SND1: variants seen among roughly 807,000 people sequenced by gnomAD.
The protein encoded by SND1 is staphylococcal nuclease and tudor domain containing 1.
In SND1, 38 loss-of-function variants were observed where a neutral mutation model predicts 121.7. The ratio of observed to expected loss-of-function variants is 0.31; its 90% CI spans 0.24 to 0.41. The LOEUF is 0.41. Ranked by LOEUF, SND1 falls within the 10% of genes least tolerant of loss-of-function variation. The pLI, the probability that SND1 is intolerant of heterozygous loss-of-function variation, is 1.00. For synonymous variants in SND1, 401 were observed against 447.4 expected (o/e 0.90, Z 1.31); for missense variants, 868 against 1,184.6 (o/e 0.73, Z 3.92).
In SND1 at chr7:128,029,678, G is replaced by T. The variant is rs746875826; in HGVS notation, c.1779+38622G>T. ...GACAGCGGCCACAGCAGGTGGAATT[G>T]GTGGGTATATACTCTCGAAGCCACC... On this transcript the variant is annotated intron_variant, in intron 16 of 23. Transcript: ENST00000354725. This position sits in a 1 kb window ranked among gnomAD's most constrained non-coding sequence, Gnocchi z 4.2. 1.2e-6 allele frequency: 2 copies of T among 1,613,950 alleles called. No homozygotes were observed. The highest frequency in any genetic ancestry group is 3.3e-5 in the Admixed American group (2 of 60,012).
chr7:127,706,547 T>C (rs912836084), intron 8 of SND1, among the ~76,000 whole-genome samples: 6 of 152,114 alleles, frequency 3.9e-5, no homozygotes, highest in Admixed American at 6.5e-5. Context: ...TGTGAGCCAC[T>C]GTGCCTGGCC....
chr7:127,683,795 T>C (rs1428951134), intron 1 of SND1, among the ~76,000 whole-genome samples: 2 of 152,248 alleles, frequency 1.3e-5, no homozygotes, highest in African/African-American at 2.4e-5. Context: ...CTTGAATTCA[T>C]ATATTCAATG....
chr7:127,897,446 A>G (rs1178175432), intron 13 of SND1, among the ~76,000 whole-genome samples: 3 of 152,154 alleles, frequency 2.0e-5, no homozygotes, highest in Admixed American at 2.0e-4. Context: ...CACAGGATCT[A>G]GTGGTGATTT....
intron 16 of SND1, among the ~76,000 whole-genome samples, chr7:128,056,057 TAAAAC>T (rs1168588874): frequency 6.6e-6 from 1 of 152,224 alleles, no homozygotes; most frequent in Non-Finnish European, 1.5e-5. Context: ...AAATGGGACT[TAAAAC>T]AACCACTTCA....
At chr7:127,853,267 C>G (rs1799207550) in intron 12 of SND1, among the ~76,000 whole-genome samples, 1 of 152,118 alleles carries the variant, frequency 6.6e-6, no homozygotes, top group East Asian at 1.9e-4. Context: ...AATGCTGTGG[C>G]CACACGTCCA....
rs1333382436 is a variant in SND1 at position 127,929,239 on chromosome 7, T to C, written c.1579T>C (p.Ser527Pro). The C allele has an allele frequency of 2.5e-6, 4 of 1,614,082 alleles. No homozygotes were observed. Among genetic ancestry groups the C allele is most frequent in the Admixed American group, 1.7e-5 (1 of 60,002 alleles). ...GCCTTTTCTTCAGCGGGCAGGTCGT[T>C]CTGAAGCTGTGGTGGAATACGTCTT... ...FLPFLQRAGRSEAVVEYVFSG... is the reference protein window; with the variant it reads ...FLPFLQRAGRPEAVVEYVFSG... The change falls in exon 15 of 24, where the codon TCT becomes CCT. Residue 527 changes from serine (S) to proline (P), a missense_variant. Ser to Pro is a moderately conservative substitution (Grantham distance 74). Around this residue, in one of 2 missense-constraint regions of SND1, gnomAD observed 743 missense variants for 1,071.3 expected, o/e 0.69. Transcript: ENST00000354725.
At chr7:128,079,342 G>A (rs1265578496) in intron 17 of SND1, among the ~76,000 whole-genome samples, 1 of 152,262 alleles carries the variant, frequency 6.6e-6, no homozygotes, top group East Asian at 1.9e-4. Context: ...GTCCTGACTA[G>A]AGGCAAAGCT....
intron 21 of SND1, among the ~76,000 whole-genome samples, chr7:128,089,024 A>AC (rs1420605127): frequency 2.6e-5 from 4 of 152,194 alleles, no homozygotes; most frequent in Non-Finnish European, 4.4e-5. Context: ...TTTCTGCCTC[A>AC]CTAGGGTTCT....
chr7:128,078,378 C>T (rs529820427), intron 17 of SND1, among the ~76,000 whole-genome samples: 89 of 152,382 alleles, frequency 5.8e-4, no homozygotes, highest in Non-Finnish European at 1.1e-3. Context: ...GAGGAGACAG[C>T]TGTCTCTCTC....
intron 10 of SND1, among the ~76,000 whole-genome samples, chr7:127,755,504 T>C (rs1797179071): frequency 6.6e-6 from 1 of 152,232 alleles, no homozygotes; most frequent in Non-Finnish European, 1.5e-5. Flanking sequence ...CTTGAAAAAG[T>C]CAAATCTGTC....
intron 14 of SND1, among the ~76,000 whole-genome samples, chr7:127,915,910 G>A (rs35521470): frequency 3.3e-5 from 5 of 152,030 alleles, no homozygotes; most frequent in African/African-American, 9.7e-5. Flanking sequence ...TAATTTGGAC[G>A]TTATAGTCCT....
At chr7:127,923,701 G>A (rs191243282) in intron 14 of SND1, among the ~76,000 whole-genome samples, 2 of 152,254 alleles carry the variant, frequency 1.3e-5, no homozygotes, top group Admixed American at 1.3e-4. Context: ...TTGCTGATAG[G>A]AGATGTAGTT....
intron 18 of SND1, among the ~76,000 whole-genome samples, chr7:128,082,544 C>A (rs1296659049): frequency 2.6e-5 from 4 of 152,172 alleles, no homozygotes; most frequent in African/African-American, 9.7e-5. Context: ...AGGAAAAACG[C>A]AAGGGGGAGG....
intron 14 of SND1, chr7:127,927,943 GT>G (rs1175282673): frequency 6.6e-6 from 1 of 152,176 alleles, no homozygotes; most frequent in Non-Finnish European, 1.5e-5. Context: ...CTCAGAGGGA[GT>G]TTTCAGTTCT....
At chr7:127,814,147 G>A (rs936932352) in intron 11 of SND1, among the ~76,000 whole-genome samples, 2 of 151,952 alleles carry the variant, frequency 1.3e-5, no homozygotes, top group Non-Finnish European at 2.9e-5. Context: ...ATTTGTGGTC[G>A]GCTTGTCTTA....
In SND1 at chr7:127,652,440, A is replaced by G; in HGVS notation, c.67A>G (p.Ile23Val). ...GPAVPTVQRG[I>V]IKMVLSGCAI... ...CGCGGTCCCCACCGTGCAGCGGGGC[A>G]TCATCAAGATGGTGAGAACGGGCCC... The change falls in exon 1 of 24, where the codon ATC (isoleucine) becomes GTC (valine). Residue 23 changes from isoleucine (I) to valine (V), a missense_variant. This residue lies in a region of SND1 where 125 missense variants were observed against 113.3 expected (regional missense o/e 1.10). Coordinates refer to ENST00000354725, the MANE Select transcript of SND1 (RefSeq NM_014390.4). 3.2e-6 allele frequency: 5 copies of G among 1,574,026 alleles called. No homozygotes were observed. Among genetic ancestry groups the G allele is most frequent in the Non-Finnish European group, 4.3e-6 (5 of 1,158,452 alleles).
At chr7:127,805,432 T>C (rs1013597531) in intron 10 of SND1, among the ~76,000 whole-genome samples, 40 of 152,210 alleles carry the variant, frequency 2.6e-4, no homozygotes, top group Admixed American at 2.5e-3. Flanking sequence ...ATGATCATTA[T>C]GCCCTCTGCC....
At chr7:127,685,784 T>C (rs1041609506) in intron 1 of SND1, among the ~76,000 whole-genome samples, 1 of 152,216 alleles carries the variant, frequency 6.6e-6, no homozygotes, top group Non-Finnish European at 1.5e-5. Flanking sequence ...TCTGTATTTC[T>C]CTCTTGTACT....
At chr7:128,030,631 AG>A in intron 16 of SND1, 1 of 1,559,822 alleles carries the variant, frequency 6.4e-7, no homozygotes, top group Non-Finnish European at 8.7e-7. Flanking sequence ...ACCTGCCACA[AG>A]AGCTTCATGG....
Sources: allele counts gnomAD v4.1 joint callset (sites outside exome capture counted in the v4.1 genomes callset), GRCh38; gene constraint gnomAD v4.1.1; regional missense constraint gnomAD v4.1.1; non-coding constraint Gnocchi (gnomAD v3.1); transcripts MANE v1.5; gene names NCBI Gene and HGNC (gene_info 2026-07-23, HGNC 2026-07-21).